MGST1: variants seen among roughly 807,000 people sequenced by gnomAD.
The protein encoded by MGST1 is microsomal glutathione S-transferase 1.
Under a neutral mutation model 8.9 loss-of-function variants are expected in MGST1, and 5 were observed. The observed-to-expected ratio is 0.56, with a 90% CI of 0.29 to 1.19. The LOEUF (loss-of-function observed/expected upper bound fraction) is 1.19. MGST1 is among the 50% of genes most tolerant of loss of function. MGST1 has a pLI of 0.08. For missense variants in MGST1, 182 were observed against 187.4 expected, an observed-to-expected ratio of 0.97 and a Z score of 0.17; for synonymous variants, 54 against 67.8, an observed-to-expected ratio of 0.80 and a Z score of 1.00.
At chr12:16,523,892 T>A (rs1379626241) in intron 4 of MGST1, among the ~76,000 whole-genome samples, 1 of 152,130 alleles carries the variant, frequency 6.6e-6, no homozygotes, top group Non-Finnish European at 1.5e-5. Context: ...GTAACTACTT[T>A]GGAAAAACAG....
intron 4 of MGST1, among the ~76,000 whole-genome samples, chr12:16,556,661 T>C (rs1942202686): frequency 6.6e-6 from 1 of 152,192 alleles, no homozygotes; most frequent in South Asian, 2.1e-4. Flanking sequence ...GCGACAATGA[T>C]TTGGCTACTG....
intron 1 of MGST1, among the ~76,000 whole-genome samples, chr12:16,391,684 T>C (rs1466691328): frequency 1.3e-5 from 2 of 152,212 alleles, no homozygotes; most frequent in Non-Finnish European, 2.9e-5. Flanking sequence ...TTTCTCCCAT[T>C]CTGCACATTG....
chr12:16,490,751 A>G (rs1211550613), intron 4 of MGST1, among the ~76,000 whole-genome samples: 1 of 152,194 alleles, frequency 6.6e-6, no homozygotes, highest in Non-Finnish European at 1.5e-5. Flanking sequence ...TTCAGGATTG[A>G]AAATCAAGCT....
At chr12:16,352,315 A>C (rs1939505062) in intron 1 of MGST1, among the ~76,000 whole-genome samples, 1 of 152,208 alleles carries the variant, frequency 6.6e-6, no homozygotes, top group African/African-American at 2.4e-5. Flanking sequence ...GATACATATA[A>C]ATGTATAGAT....
At chr12:16,535,136 T>C (rs1385235279) in intron 4 of MGST1, among the ~76,000 whole-genome samples, 1 of 152,190 alleles carries the variant, frequency 6.6e-6, no homozygotes, top group Non-Finnish European at 1.5e-5. Context: ...CATCTTTTAC[T>C]TTAGTCTCCC....
At chr12:16,512,886 A>T (rs1319957307) in intron 4 of MGST1, among the ~76,000 whole-genome samples, 1 of 152,218 alleles carries the variant, frequency 6.6e-6, no homozygotes, top group Non-Finnish European at 1.5e-5. Context: ...ACACGTTAAA[A>T]TAATATGCTT....
intron 1 of MGST1, among the ~76,000 whole-genome samples, chr12:16,420,717 CG>C (rs1466492482): frequency 6.6e-6 from 1 of 152,046 alleles, no homozygotes; most frequent in Non-Finnish European, 1.5e-5. Flanking sequence ...CTATAGGAAG[CG>C]GGGGTGATCT....
In MGST1 at chr12:16,567,817, A is replaced by T. The variant is rs150184690; in HGVS notation, n.483-21711A>T. ...CTCCTACACTCAGGCAAAACTCCAC[A>T]CTTCCTTCAATCAGACAGAACACCA... On this transcript the variant is annotated intron_variant and non_coding_transcript_variant, in intron 4 of 4. Transcript: ENST00000538857. Among the ~76,000 whole-genome samples, 98 of 152,212 alleles carry T rather than the reference A, an allele frequency of 6.4e-4. 1 individual carries two copies. The highest frequency in any genetic ancestry group is 1.2e-3 in the Non-Finnish European group (85 of 68,002).
chr12:16,428,992 C>T (rs1252469105), intron 1 of MGST1, among the ~76,000 whole-genome samples: 3 of 151,874 alleles, frequency 2.0e-5, no homozygotes, highest in Non-Finnish European at 4.4e-5. Context: ...ATTGTAGTTC[C>T]ACATCGTTGT....
downstream of MGST1, among the ~76,000 whole-genome samples, chr12:16,377,908 A>AT (rs1173075873): frequency 6.6e-6 from 1 of 150,786 alleles, no homozygotes; most frequent in Non-Finnish European, 1.5e-5. Context: ...GATGATGAGC[A>AT]TTTTTTCATG....
chr12:16,544,405 GATATA>G lies in MGST1; in HGVS notation n.483-45122_483-45118del, dbSNP rs1158871164. Among the ~76,000 whole-genome samples, 2 of 151,926 alleles carry G rather than the reference GATATA, an allele frequency of 1.3e-5. No individual in the cohort carries two copies. The highest frequency in any genetic ancestry group is 4.8e-5 in the African/African-American group (2 of 41,392). Reference sequence around the variant, plus strand: ...ATACAAAAGAGAAAAAGCCAAATATGATATATGTGGCTTGTTTCTTCTATTGAATG... The same window carrying G: ...ATACAAAAGAGAAAAAGCCAAATATGTGTGGCTTGTTTCTTCTATTGAATG... On this transcript the variant is annotated intron_variant and non_coding_transcript_variant, in intron 4 of 4. Transcript: ENST00000538857. The surrounding 1 kb of genome is among the most constrained non-coding windows in gnomAD (Gnocchi z 4.8).
intron 4 of MGST1, among the ~76,000 whole-genome samples, chr12:16,532,400 C>G (rs1289935552): frequency 6.6e-6 from 1 of 152,114 alleles, no homozygotes; most frequent in Non-Finnish European, 1.5e-5. Context: ...AAAAAATTAA[C>G]ATTCTCACCA....
intron 4 of MGST1, chr12:16,551,158 A>C: frequency 9.7e-7 from 1 of 1,032,688 alleles, no homozygotes; most frequent in Non-Finnish European, 1.5e-6. Flanking sequence ...TCTTATGTAC[A>C]TGTGGAGCAA....
chr12:16,491,759 CT>C (rs1357804853), intron 4 of MGST1, among the ~76,000 whole-genome samples: 3 of 151,914 alleles, frequency 2.0e-5, no homozygotes, highest in South Asian at 4.1e-4. Context: ...GAATGTTTCT[CT>C]TTTTTTTCTT....
Position 16,543,554 on chromosome 12 carries a change from T to TTAATAAA in MGST1, n.483-45974_483-45973insTAATAAA, listed in dbSNP as rs1411928349. Among the ~76,000 whole-genome samples the TTAATAAA allele has an allele frequency of 3.6e-4, 54 of 152,098 alleles. No homozygotes were observed. In the East Asian group the frequency reaches 0.01, roughly 28 times the overall value. On this transcript the variant is annotated intron_variant and non_coding_transcript_variant, in intron 4 of 4. Transcript: ENST00000538857. ...TTAGAGAATTTGAGATTAATAAAAA[T>TTAATAAA]AATAGTGGTACTAATAACTTGAACA...
At chr12:16,589,918 T>G (rs1943438259), downstream of MGST1, among the ~76,000 whole-genome samples, 1 of 152,106 alleles carries the variant, frequency 6.6e-6, no homozygotes, top group Admixed American at 6.6e-5. This position sits in a 1 kb window ranked among gnomAD's most constrained non-coding sequence, Gnocchi z 4.2. Context: ...TCCGTCTAGC[T>G]TTCTGGGAAG....
At position 16,361,313 on chromosome 12, in the gene MGST1, G is replaced by C. The variant is rs905353676; in HGVS notation, c.222-2482G>C. Among the ~76,000 whole-genome samples, 1 of 152,134 alleles carries C rather than the reference G, an allele frequency of 6.6e-6. No homozygotes were observed. The highest frequency in any genetic ancestry group is 1.5e-5 in the Non-Finnish European group (1 of 68,036). On this transcript the variant is annotated intron_variant, in intron 3 of 3. Coordinates refer to ENST00000396210, the MANE Select transcript of MGST1 (RefSeq NM_020300.5). This position sits in a 1 kb window ranked among gnomAD's most constrained non-coding sequence, Gnocchi z 4.2. The stretch of plus-strand genomic sequence containing the variant: ...TGGCAGTCCAGGTCAGGTGGATGCT[G>C]GGATCCAAGTAATTCTGATCTGAGG...
At chr12:16,349,987 G>T (rs898044594) in intron 1 of MGST1, among the ~76,000 whole-genome samples, 3 of 152,076 alleles carry the variant, frequency 2.0e-5, no homozygotes, top group Admixed American at 6.5e-5. Flanking sequence ...CTCGTGATCT[G>T]CCCGCCTCCG....
intron 4 of MGST1, among the ~76,000 whole-genome samples, chr12:16,470,825 C>G (rs894418683): frequency 5.3e-5 from 8 of 152,076 alleles, no homozygotes; most frequent in Non-Finnish European, 1.0e-4. Context: ...TAAGAGTTAA[C>G]TATTTTTCCA....
Sources: allele counts gnomAD v4.1 joint callset (sites outside exome capture counted in the v4.1 genomes callset), GRCh38; gene constraint gnomAD v4.1.1; non-coding constraint Gnocchi (gnomAD v3.1); transcripts MANE v1.5; gene names NCBI Gene and HGNC (gene_info 2026-07-23, HGNC 2026-07-21).